Variants in HTR1D observed in about 807,000 individuals in gnomAD.
HTR1D encodes the protein 5-HT-1D.
In HTR1D, 18 loss-of-function variants were observed where a neutral mutation model predicts 21.1. The observed-to-expected ratio is 0.85, with a 90% confidence interval of 0.59 to 1.27. The LOEUF (loss-of-function observed/expected upper bound fraction) is 1.27, where lower values mean the gene tolerates loss of function less well. Among genes scored for constraint, HTR1D ranks in the 50% most tolerant of loss-of-function variants. The probability of loss-of-function intolerance (pLI) is 0.00; values close to 1 mark genes in which losing one functional copy is unlikely to be tolerated. For missense variants in HTR1D, 456 were observed against 481.4 expected, an observed-to-expected ratio of 0.95 and a Z score of 0.49; for synonymous variants, 196 against 204.4, an observed-to-expected ratio of 0.96 and a Z score of 0.35.
chr1:23,208,342 C>T, intron 1 of HTR1D, among the ~76,000 whole-genome samples: 1 of 151,870 alleles, frequency 6.6e-6, no homozygotes, highest in South Asian at 2.1e-4. Context: ...GAGGTCGAGG[C>T]GGGTGGAACA....
Position 23,192,932 on chromosome 1 carries a change from G to T in HTR1D, c.*154C>A. 1.3e-5 allele frequency: 3 copies of T among 237,348 alleles called. No individual in the cohort carries two copies. Among genetic ancestry groups the T allele is most frequent in the Non-Finnish European group, 2.1e-5 (3 of 142,718 alleles). 14.7% of individuals were successfully genotyped at this position (237,348 alleles called of 1,614,324 possible). A position where few individuals can be genotyped will look rare whatever the true frequency, so the allele number is the denominator to read the frequency against. On this transcript the variant is annotated 3_prime_UTR_variant, in exon 2 of 2. Transcript: ENST00000374619. ...CACCCACAGCTCTTTCAGAAGTTAA[G>T]AAAACAACAGGAAAAAGAACAATTC...
At chr1:23,215,033 C>T (rs989464448) in intron 1 of HTR1D, among the ~76,000 whole-genome samples, 80 of 152,180 alleles carry the variant, frequency 5.3e-4, no homozygotes, top group African/African-American at 1.9e-3. Context: ...GAGGGAACAA[C>T]GTAACAGTGT....
chr1:23,194,347 A>G lies in HTR1D; in HGVS notation c.-128T>C. On this transcript the variant is annotated 5_prime_UTR_variant, in exon 2 of 2. Transcript: ENST00000374619. ...GGAGCCGTACACCAGAACAGACCAC[A>G]GTGAAAAGGTCTCAAGACCAGACTA... 2.7e-6 allele frequency: 2 copies of G among 752,238 alleles called. No homozygotes were observed. Among genetic ancestry groups the G allele is most frequent in the East Asian group, 2.5e-5 (1 of 40,248 alleles). The allele number at this position is 752,238 out of a possible 1,614,324, so 46.6% of individuals were successfully genotyped here. A position where few individuals can be genotyped will look rare whatever the true frequency, so the allele number is the denominator to read the frequency against.
At chr1:23,204,533 G>A (rs1644722397) in intron 1 of HTR1D, among the ~76,000 whole-genome samples, 1 of 152,174 alleles carries the variant, frequency 6.6e-6, no homozygotes, top group African/African-American at 2.4e-5. Flanking sequence ...TGGCAGTTTA[G>A]TGTCCCTCTC....
At chr1:23,209,371 T>C (rs1382619493) in intron 1 of HTR1D, among the ~76,000 whole-genome samples, 1 of 152,160 alleles carries the variant, frequency 6.6e-6, no homozygotes, top group Non-Finnish European at 1.5e-5. Context: ...TCACTCTTGT[T>C]ATATTTCTAT....
At chr1:23,199,715 TC>T (rs1481062791) in intron 1 of HTR1D, among the ~76,000 whole-genome samples, 1 of 152,148 alleles carries the variant, frequency 6.6e-6, no homozygotes, top group Non-Finnish European at 1.5e-5. Context: ...TCTTTCTTTT[TC>T]TTGGCGGGGA....
chr1:23,217,403 G>A lies in HTR1D; in HGVS notation c.-895C>T, dbSNP rs984757389. Among the ~76,000 whole-genome samples the A allele has an allele frequency of 6.6e-6, 1 of 151,754 alleles. No homozygotes were observed. Among genetic ancestry groups the A allele is most frequent in the African/African-American group, 2.4e-5 (1 of 41,354 alleles). ...CTCCGCCGCGACCCCCGCCGAACTCGGGGGCCGCCCGCCCCGCCGCCCCGG... is the reference window on the plus strand; with the variant it reads ...CTCCGCCGCGACCCCCGCCGAACTCAGGGGCCGCCCGCCCCGCCGCCCCGG... On this transcript the variant is annotated 5_prime_UTR_variant, in exon 1 of 2. Transcript: ENST00000374619. This position sits in a 1 kb window ranked among gnomAD's most constrained non-coding sequence, Gnocchi z 4.6.
At chr1:23,201,367 C>T (rs986758495) in intron 1 of HTR1D, among the ~76,000 whole-genome samples, 2 of 152,090 alleles carry the variant, frequency 1.3e-5, no homozygotes, top group Non-Finnish European at 2.9e-5. Flanking sequence ...ACCACCTGTC[C>T]TGGGAGAGGA....
rs776615060 is a variant in HTR1D, at chr1:23,193,611, A to G, written c.609T>C (p.Cys203=). 3.7e-5 allele frequency: 59 copies of G among 1,614,034 alleles called. No homozygotes were observed. Among genetic ancestry groups the G allele is most frequent in the Non-Finnish European group, 4.8e-5 (57 of 1,180,028 alleles). ...SQISYTIYST[C]GAFYIPSVLL... is the part of the protein sequence containing the mutation. ...ACACCGAGGGAATGTAGAAGGCCCC[A>G]CAGGTGGAGTAGATGGTGTAGGAGA... The change falls in exon 2 of 2, where the codon TGT becomes TGC. Residue 203 remains cysteine, a synonymous_variant. Transcript: ENST00000374619.
At position 23,217,153 on chromosome 1, in the gene HTR1D, T is replaced by G. The variant is rs1261860093; in HGVS notation, c.-783+138A>C. Among the ~76,000 whole-genome samples the G allele has an allele frequency of 6.6e-6, 1 of 151,402 alleles. No homozygotes were observed. On this transcript the variant is annotated intron_variant, in intron 1 of 1. Transcript: ENST00000374619. The surrounding 1 kb of genome is among the most constrained non-coding windows in gnomAD (Gnocchi z 4.6). ...GGCAGGTCCTCCGGGACCCTCTCCC[T>G]GGCGCGCGCCCGTCCGAGGGCACAG...
rs892008755 is a variant in HTR1D at position 23,217,435 on chromosome 1, T to A, written c.-927A>T. On this transcript the variant is annotated 5_prime_UTR_variant, in exon 1 of 2. Transcript: ENST00000374619. This position sits in a 1 kb window ranked among gnomAD's most constrained non-coding sequence, Gnocchi z 4.6. Reference sequence around the variant, plus strand: ...GCCCGCCCCGCCGCCCCGGGGCCCTTTCCGGCTCGCGCCCTCGCGATCCCG... The same window carrying A: ...GCCCGCCCCGCCGCCCCGGGGCCCTATCCGGCTCGCGCCCTCGCGATCCCG... Among the ~76,000 whole-genome samples the A allele has an allele frequency of 6.6e-6, 1 of 151,520 alleles. No homozygotes were observed. Among genetic ancestry groups the A allele is most frequent in the Admixed American group, 6.6e-5 (1 of 15,248 alleles).
At chr1:23,202,069 G>GT (rs869126228) in intron 1 of HTR1D, among the ~76,000 whole-genome samples, 1 of 151,644 alleles carries the variant, frequency 6.6e-6, no homozygotes, top group African/African-American at 2.4e-5. Flanking sequence ...ATTTTTCGTG[G>GT]TTTTTTGTTG....
rs2148236328 is a variant in HTR1D, at chr1:23,192,020, A to C, written c.*1066T>G. ...AAAAATTCAGAATGGTGTCCCACTC[A>C]AAGCTTGCGGTGGGTGGGGGGTGGG... On this transcript the variant is annotated 3_prime_UTR_variant, in exon 2 of 2. Transcript: ENST00000374619. 1 of 143,758 alleles carries C rather than the reference A, an allele frequency of 7.0e-6. No homozygotes were observed. The highest frequency in any genetic ancestry group is 6.9e-5 in the Admixed American group (1 of 14,520). The allele number at this position is 143,758 out of a possible 1,614,324, so 8.9% of individuals were successfully genotyped here.
chr1:23,197,377 A>G (rs1355487759), intron 1 of HTR1D, among the ~76,000 whole-genome samples: 1 of 152,170 alleles, frequency 6.6e-6, no homozygotes, highest in Non-Finnish European at 1.5e-5. Flanking sequence ...CTACCTTTGG[A>G]GACATGGACT....
At position 23,192,920 on chromosome 1, in the gene HTR1D, T is replaced by G; in HGVS notation, c.*166A>C. ...CCCGCCCCCCACCACCCACAGCTCT[T>G]TCAGAAGTTAAGAAAACAACAGGAA... On this transcript the variant is annotated 3_prime_UTR_variant, in exon 2 of 2. Coordinates refer to ENST00000374619, the MANE Select transcript of HTR1D (RefSeq NM_000864.5). 1 of 327,290 alleles carries G rather than the reference T, an allele frequency of 3.1e-6. No individual in the cohort carries two copies. The highest frequency in any genetic ancestry group is 5.4e-6 in the Non-Finnish European group (1 of 184,074). 20.3% of individuals were successfully genotyped at this position (327,290 alleles called of 1,614,324 possible).
chr1:23,214,939 A>T (rs1294677063), intron 1 of HTR1D, among the ~76,000 whole-genome samples: 1 of 152,100 alleles, frequency 6.6e-6, no homozygotes, highest in Non-Finnish European at 1.5e-5. Flanking sequence ...ACCCAGAGAG[A>T]GTGTCTACTA....
chr1:23,202,831 T>C (rs1644715206), intron 1 of HTR1D, among the ~76,000 whole-genome samples: 1 of 152,090 alleles, frequency 6.6e-6, no homozygotes, highest in Non-Finnish European at 1.5e-5. Context: ...TTTTCTCCTC[T>C]GCAAAAATCA....
Position 23,217,443 on chromosome 1 carries a change from C to A in HTR1D, c.-935G>T, listed in dbSNP as rs1192930623. 6.6e-6 allele frequency among the ~76,000 whole-genome samples: 1 copy of A among 151,976 alleles called. No homozygotes were observed. Among genetic ancestry groups the A allele is most frequent in the Admixed American group, 6.5e-5 (1 of 15,274 alleles). ...CGCCGCCCCGGGGCCCTTTCCGGCT[C>A]GCGCCCTCGCGATCCCGCACCTGCC... On this transcript the variant is annotated 5_prime_UTR_variant, in exon 1 of 2. Transcript: ENST00000374619. The surrounding 1 kb of genome is among the most constrained non-coding windows in gnomAD (Gnocchi z 4.6).
chr1:23,205,251 G>A (rs1644725226), intron 1 of HTR1D, among the ~76,000 whole-genome samples: 1 of 152,056 alleles, frequency 6.6e-6, no homozygotes, highest in Non-Finnish European at 1.5e-5. Flanking sequence ...GGGAAGGGTG[G>A]GAGGGGGAAA....
Sources: gnomAD v4.1 joint callset for allele counts (sites outside exome capture counted in the v4.1 genomes callset) on GRCh38, gnomAD v4.1.1 for gene constraint, Gnocchi (gnomAD v3.1) non-coding constraint, MANE v1.5 for transcripts, NCBI Gene and HGNC (gene_info 2026-07-23, HGNC 2026-07-21) for gene names.